NXF3: variants seen among roughly 807,000 people sequenced by gnomAD.
NXF3 encodes the protein TAP-like protein 3.
A neutral mutation model predicts 48.4 loss-of-function variants in NXF3; 34 were observed. That is an observed-to-expected ratio of 0.70 (90% confidence interval 0.53 to 0.93). NXF3 has a LOEUF of 0.93. Among genes scored for constraint, NXF3 ranks in the 40% least tolerant of loss-of-function variants. The pLI is 0.00. For missense variants in NXF3, 359 were observed against 406.1 expected (o/e 0.88, Z 1.00); for synonymous variants, 132 against 145.7 (o/e 0.91, Z 0.68).
At position 103,084,578 on chromosome X, in the gene NXF3, A is replaced by G. The variant is rs1253553836; in HGVS notation, c.198-83T>C. 5 of 1,132,501 alleles carry G rather than the reference A, an allele frequency of 4.4e-6. No homozygotes were observed. The Admixed American group carries it at 1.1e-4, about 26-fold the overall frequency. The allele number at this position is 1,132,501 out of a possible 1,213,427, so 93.3% of individuals were successfully genotyped here. On this transcript the variant is annotated intron_variant, in intron 2 of 19. Coordinates refer to ENST00000395065, the MANE Select transcript of NXF3 (RefSeq NM_022052.2). ...TTTGATCCACTGATACCAGGGCTACAATGAAGTTAAATCAACCATTAATCG... is the reference window on the plus strand; with the variant it reads ...TTTGATCCACTGATACCAGGGCTACGATGAAGTTAAATCAACCATTAATCG...
At chrX:103,077,450 C>T (rs1287546939) in intron 18 of NXF3, among the ~76,000 whole-genome samples, 164 bp downstream of exon 18, 1 of 110,067 alleles carries the variant, frequency 9.1e-6, no homozygotes, top group East Asian at 2.9e-4. Flanking sequence ...GACGGGGTTT[C>T]ACCGTGTTAG....
At chrX:103,085,373 T>C (rs1333259763) in intron 1 of NXF3, among the ~76,000 whole-genome samples, 1 of 111,350 alleles carries the variant, frequency 9.0e-6, no homozygotes, top group Non-Finnish European at 1.9e-5. Context: ...TCAGGCTGGG[T>C]AACATGGAAC....
Position 103,082,030 on chromosome X carries a change from G to A in NXF3, c.890+225C>T, listed in dbSNP as rs898076652. The A allele has an allele frequency of 9.9e-6, 4 of 404,304 alleles. No individual in the cohort carries two copies. The African/African-American group carries it at 1.0e-4, about 10-fold the overall frequency. The allele number at this position is 404,304 out of a possible 1,213,427, so 33.3% of individuals were successfully genotyped here. On this transcript the variant is annotated intron_variant, in intron 9 of 19. Transcript: ENST00000395065. Reference sequence around the variant, plus strand: ...GGCACGCTAGAGGAGGCTGGGTGGAGACAGGTGGGAAACACATCCCAGAGC... The same window carrying A: ...GGCACGCTAGAGGAGGCTGGGTGGAAACAGGTGGGAAACACATCCCAGAGC...
At position 103,093,118 on chromosome X, in the gene NXF3, G is replaced by C; in HGVS notation, c.-95C>G. On this transcript the variant is annotated 5_prime_UTR_variant, in exon 1 of 20. Coordinates refer to ENST00000395065, the MANE Select transcript of NXF3 (RefSeq NM_022052.2). Reference sequence around the variant, plus strand: ...ATTGAGGAGGGCTGCTGACGAAGGCGAGAGCAAGCCTCAAGCCTTGCTTAC... The same window carrying C: ...ATTGAGGAGGGCTGCTGACGAAGGCCAGAGCAAGCCTCAAGCCTTGCTTAC... The C allele has an allele frequency of 1.2e-6, 1 of 827,127 alleles. No homozygotes were observed. The highest frequency in any genetic ancestry group is 2.0e-5 in the African/African-American group (1 of 50,759). The allele number at this position is 827,127 out of a possible 1,213,427, so 68.2% of individuals were successfully genotyped here.
At chrX:103,079,515 C>T (rs1363875863) in intron 14 of NXF3, 41 bp from the exon 15 acceptor site, 2 of 1,188,144 alleles carry the variant, frequency 1.7e-6, no homozygotes, top group East Asian at 5.9e-5. Context: ...GGGGCTGCCA[C>T]ACCCCAGTTG....
chrX:103,090,108 T>C (rs766298825), intron 1 of NXF3, among the ~76,000 whole-genome samples: 4 of 111,855 alleles, frequency 3.6e-5, no homozygotes, highest in Non-Finnish European at 7.5e-5. Context: ...TCATTAATTA[T>C]AGCAGTAGTC....
chrX:103,088,062 T>C, intron 1 of NXF3: 1 of 894,477 alleles, frequency 1.1e-6, no homozygotes, highest in Non-Finnish European at 1.6e-6. Flanking sequence ...CAATTTATAT[T>C]GTCCCTTTTC....
At chrX:103,084,285 A>C in intron 3 of NXF3, 57 bp downstream of exon 3, 3 of 1,183,858 alleles carry the variant, frequency 2.5e-6, no homozygotes, top group Non-Finnish European at 3.4e-6. Flanking sequence ...CACAAATCCA[A>C]CACAATTCCC....
At chrX:103,089,529 T>A (rs1479729844) in intron 1 of NXF3, among the ~76,000 whole-genome samples, 3 of 112,400 alleles carry the variant, frequency 2.7e-5, no homozygotes, top group Admixed American at 1.9e-4. Flanking sequence ...TGTAAACATA[T>A]GCTGTGTCTG....
intron 3 of NXF3, among the ~76,000 whole-genome samples, 177 bp from the exon 4 acceptor site, chrX:103,083,869 TATTTCTAACCAAACATG>T (rs1922080394): frequency 8.9e-6 from 1 of 112,378 alleles, no homozygotes; most frequent in African/African-American, 3.2e-5. Context: ...TAATATCTAT[TATTTCTAACCAAACATG>T]GATTTCCTAA....
chrX:103,085,775 C>A (rs1922131298), intron 1 of NXF3, among the ~76,000 whole-genome samples: 1 of 108,173 alleles, frequency 9.2e-6, no homozygotes, highest in Non-Finnish European at 1.9e-5. Context: ...TGATGGCGGG[C>A]GCCTGTAGTC....
chrX:103,093,111 C>T lies in NXF3; in HGVS notation c.-88G>A, dbSNP rs1922318368. ...GGAGAAGATTGAGGAGGGCTGCTGACGAAGGCGAGAGCAAGCCTCAAGCCT... is the reference window on the plus strand; with the variant it reads ...GGAGAAGATTGAGGAGGGCTGCTGATGAAGGCGAGAGCAAGCCTCAAGCCT... On this transcript the variant is annotated 5_prime_UTR_variant, in exon 1 of 20. Transcript: ENST00000395065. 1.5e-5 allele frequency: 13 copies of T among 889,355 alleles called. No homozygotes were observed. The highest frequency in any genetic ancestry group is 2.3e-5 in the Admixed American group (1 of 44,366). 73.3% of individuals were successfully genotyped at this position (889,355 alleles called of 1,213,427 possible).
Position 103,084,268 on chromosome X carries a change from G to T in NXF3, c.351+74C>A, listed in dbSNP as rs1922089266. ...TTTCCTGCCCTTACAAAAGTATCTA[G>T]TGTCCACACAAATCCAACACAATTC... On this transcript the variant is annotated intron_variant, in intron 3 of 19. Coordinates refer to ENST00000395065, the MANE Select transcript of NXF3 (RefSeq NM_022052.2). 7 of 1,115,399 alleles carry T rather than the reference G, an allele frequency of 6.3e-6. No individual in the cohort carries two copies. In the Admixed American group the frequency reaches 1.6e-4, roughly 25 times the overall value. The allele number at this position is 1,115,399 out of a possible 1,213,427, so 91.9% of individuals were successfully genotyped here.
intron 1 of NXF3, chrX:103,088,987 C>T: frequency 2.6e-6 from 3 of 1,167,193 alleles, no homozygotes; most frequent in Non-Finnish European, 3.5e-6. Flanking sequence ...ACCAGGCAGC[C>T]CTGTCTTCCT....
intron 1 of NXF3, 53 bp from the exon 2 acceptor site, chrX:103,084,936 G>GA (rs1922109348): frequency 9.3e-7 from 1 of 1,073,280 alleles, no homozygotes; most frequent in African/African-American, 1.8e-5. Context: ...AAAATCTTGG[G>GA]AAAATATAAT....
chrX:103,078,412 C>T, intron 17 of NXF3, 148 bp downstream of exon 17: 4 of 818,973 alleles, frequency 4.9e-6, no homozygotes, highest in Non-Finnish European at 7.3e-6. Flanking sequence ...CAGGCGTGAG[C>T]CACTGCTCCT....
intron 9 of NXF3, chrX:103,082,014 G>C (rs1036616225): frequency 1.8e-5 from 7 of 390,424 alleles, no homozygotes; most frequent in Non-Finnish European, 3.2e-5. Context: ...GGGCACGCTA[G>C]AGGAGGCTGG....
At chrX:103,084,929 A>G in intron 1 of NXF3, 46 bp from the exon 2 acceptor site, 2 of 1,103,671 alleles carry the variant, frequency 1.8e-6, no homozygotes, top group Non-Finnish European at 2.5e-6. Context: ...CCAGAAAAAA[A>G]TCTTGGGAAA....
chrX:103,084,796 G>A lies in NXF3; in HGVS notation c.116C>T (p.Pro39Leu). Residue 39 changes from proline to leucine, a missense_variant, in exon 2 of 20, where the codon CCT becomes CTT. Physicochemically the swap from Pro to Leu is moderately conservative, Grantham distance 98. Coordinates refer to ENST00000395065, the MANE Select transcript of NXF3 (RefSeq NM_022052.2). ...CTGATGGGATGAAGAATGCATGCCAGGATTGACAGGTTCAGACCTACTGCT... is the reference window on the plus strand; with the variant it reads ...CTGATGGGATGAAGAATGCATGCCAAGATTGACAGGTTCAGACCTACTGCT... ...RFSSRSEPVN[P>L]GMHSSSHQQQ... 8.3e-7 allele frequency: 1 copy of A among 1,210,903 alleles called. No individual in the cohort carries two copies. The highest frequency in any genetic ancestry group is 2.3e-4 in the Middle Eastern group (1 of 4,354).
Sources: gnomAD v4.1 joint callset for allele counts (sites outside exome capture counted in the v4.1 genomes callset) on GRCh38, gnomAD v4.1.1 for gene constraint, MANE v1.5 for transcripts, NCBI Gene and HGNC (gene_info 2026-07-23, HGNC 2026-07-21) for gene names.